MTAP: variants seen among roughly 807,000 people sequenced by gnomAD.
The protein encoded by MTAP is S-methyl-5'-thioadenosine phosphorylase.
In MTAP, 33 loss-of-function variants were observed where a neutral mutation model predicts 33.6. That is an observed-to-expected ratio of 0.98 (90% CI 0.74 to 1.31). The LOEUF (loss-of-function observed/expected upper bound fraction) is 1.31. Among genes scored for constraint, MTAP ranks in the 40% most tolerant of loss-of-function variants. MTAP has a pLI of 0.00. For synonymous variants in MTAP, 148 were observed against 125.7 expected (o/e 1.18, Z -1.19); for missense variants, 367 against 360.0 (o/e 1.02, Z -0.16).
chr9:21,804,010 G>C (rs1587188726), intron 1 of MTAP, among the ~76,000 whole-genome samples: 1 of 152,140 alleles, frequency 6.6e-6, no homozygotes, highest in South Asian at 2.1e-4. Flanking sequence ...TTTATAGAAG[G>C]CCTCTCCCCT....
chr9:21,851,787 A>G (rs1825517560), intron 5 of MTAP, among the ~76,000 whole-genome samples: 1 of 152,188 alleles, frequency 6.6e-6, no homozygotes, highest in African/African-American at 2.4e-5. Flanking sequence ...AGCTGCCAGC[A>G]TGGCTAGGAT....
intron 4 of MTAP, among the ~76,000 whole-genome samples, chr9:21,828,113 G>A (rs1007780687): frequency 4.6e-5 from 7 of 152,292 alleles, no homozygotes; most frequent in South Asian, 2.1e-4. Context: ...AAGAAAACAG[G>A]TATTGCCATC....
intron 1 of MTAP, among the ~76,000 whole-genome samples, chr9:21,877,106 A>G (rs920469028): frequency 3.9e-5 from 6 of 151,934 alleles, no homozygotes; most frequent in Admixed American, 2.6e-4. Context: ...TAGGTATTTT[A>G]TTCTTCTTGT....
chr9:21,821,437 G>A (rs1319510796), intron 4 of MTAP, among the ~76,000 whole-genome samples: 2 of 152,206 alleles, frequency 1.3e-5, no homozygotes, highest in African/African-American at 4.8e-5. Flanking sequence ...TTATTGATTT[G>A]CGTATGTTGA....
chr9:21,831,088 A>G (rs1824955104), intron 4 of MTAP, among the ~76,000 whole-genome samples: 1 of 152,118 alleles, frequency 6.6e-6, no homozygotes, highest in Admixed American at 6.5e-5. Context: ...AGTTCTTGTT[A>G]GATACCTTTG....
intron 5 of MTAP, among the ~76,000 whole-genome samples, chr9:21,847,738 C>T (rs749255481): frequency 9.9e-5 from 15 of 152,194 alleles, no homozygotes; most frequent in Admixed American, 4.6e-4. Context: ...GCTCCAGCAG[C>T]AGATACTGAG....
At chr9:21,912,348 A>G (rs1164926116) in intron 1 of MTAP, among the ~76,000 whole-genome samples, 1 of 152,248 alleles carries the variant, frequency 6.6e-6, no homozygotes, top group African/African-American at 2.4e-5. Flanking sequence ...ATTTTAGACC[A>G]ATATTCCTGG....
intron 1 of MTAP, among the ~76,000 whole-genome samples, chr9:21,916,051 AGAGGGAGGGAGG>A (rs201860768): frequency 1.8e-5 from 2 of 113,226 alleles, no homozygotes; most frequent in African/African-American, 6.9e-5. Flanking sequence ...AGAAGGAGAG[AGAGGGAGGGAGG>A]GAGGGAGGGA....
intron 4 of MTAP, among the ~76,000 whole-genome samples, chr9:21,829,451 A>G (rs921163163): frequency 1.3e-5 from 2 of 149,992 alleles, no homozygotes; most frequent in East Asian, 1.9e-4. Flanking sequence ...TTTTTGAGAC[A>G]GTCCCACTCT....
chr9:21,823,814 T>G (rs1348799376), intron 4 of MTAP, among the ~76,000 whole-genome samples: 1 of 152,236 alleles, frequency 6.6e-6, no homozygotes, highest in Admixed American at 6.5e-5. Context: ...TTCATTTCTT[T>G]TTACTCTTTT....
chr9:21,926,239 C>A (rs1818867484), intron 1 of MTAP, among the ~76,000 whole-genome samples: 1 of 152,140 alleles, frequency 6.6e-6, no homozygotes, highest in Non-Finnish European at 1.5e-5. Flanking sequence ...TCCTCTTTGA[C>A]CTCTGGCCAA....
In MTAP at chr9:21,922,493, G is replaced by T. The variant is rs1818802861; in HGVS notation, c.148-8515G>T. Among the ~76,000 whole-genome samples the T allele has an allele frequency of 6.6e-6, 1 of 151,996 alleles. No homozygotes were observed. The highest frequency in any genetic ancestry group is 1.9e-4 in the East Asian group (1 of 5,164). On this transcript the variant is annotated intron_variant, in intron 1 of 1. Transcript: ENST00000577563. The surrounding 1 kb of genome is among the most constrained non-coding windows in gnomAD (Gnocchi z 4.8). The stretch of plus-strand genomic sequence containing the variant: ...TTACTTCTGCTCAAAAACTTGCCTT[G>T]GTCTCTCACTCTCGCTTATGCCCCT...
chr9:21,853,406 A>G (rs1165560334), intron 5 of MTAP, among the ~76,000 whole-genome samples: 1 of 152,220 alleles, frequency 6.6e-6, no homozygotes, highest in Admixed American at 6.6e-5. Context: ...TAAGATAAAC[A>G]TGATGTAGCA....
intron 1 of MTAP, among the ~76,000 whole-genome samples, chr9:21,902,230 G>GATAC (rs1818404361): frequency 6.6e-6 from 1 of 152,212 alleles, no homozygotes; most frequent in African/African-American, 2.4e-5. Flanking sequence ...GCTTCCTCCA[G>GATAC]TTCCACAGAT....
chr9:21,921,928 A>C (rs1255055700), intron 1 of MTAP, among the ~76,000 whole-genome samples: 1 of 152,148 alleles, frequency 6.6e-6, no homozygotes, highest in Non-Finnish European at 1.5e-5. Flanking sequence ...TGAACATCAG[A>C]AGAAAAGCCC....
rs1386175605 is a variant in MTAP, at chr9:21,866,795, C to T, written c.*4781C>T. 1 of 151,942 alleles carries T rather than the reference C, an allele frequency of 6.6e-6. No individual in the cohort carries two copies. Among genetic ancestry groups the T allele is most frequent in the Non-Finnish European group, 1.5e-5 (1 of 67,972 alleles). The allele number at this position is 151,942 out of a possible 1,614,324, so 9.4% of individuals were successfully genotyped here. On this transcript the variant is annotated 3_prime_UTR_variant, in exon 8 of 8. Transcript: ENST00000644715. Reference sequence around the variant, plus strand: ...CTGGAATGGCACTGAATTTTTAGGTCGATTTGGGAAGAATTGACAATATTG... The same window carrying T: ...CTGGAATGGCACTGAATTTTTAGGTTGATTTGGGAAGAATTGACAATATTG...
chr9:21,913,307 G>T (rs1310092857), intron 1 of MTAP, among the ~76,000 whole-genome samples: 2 of 152,156 alleles, frequency 1.3e-5, no homozygotes, highest in African/African-American at 4.8e-5. Flanking sequence ...CCAAAAAAGA[G>T]CCTGCACCGC....
intron 1 of MTAP, among the ~76,000 whole-genome samples, chr9:21,925,826 G>A (rs2093260365): frequency 6.6e-6 from 1 of 152,154 alleles, no homozygotes; most frequent in Non-Finnish European, 1.5e-5. Flanking sequence ...GTGGCAGGTA[G>A]GACTATAAGT....
At chr9:21,901,168 T>C (rs1244433113) in intron 1 of MTAP, among the ~76,000 whole-genome samples, 1 of 151,856 alleles carries the variant, frequency 6.6e-6, no homozygotes, top group African/African-American at 2.4e-5. Flanking sequence ...AAAACAAAAC[T>C]TGTAAAGAAA....
Sources: allele counts gnomAD v4.1 joint callset (sites outside exome capture counted in the v4.1 genomes callset), GRCh38; gene constraint gnomAD v4.1.1; non-coding constraint Gnocchi (gnomAD v3.1); transcripts MANE v1.5; gene names NCBI Gene and HGNC (gene_info 2026-07-23, HGNC 2026-07-21).